TIMP4: variants seen among roughly 807,000 people sequenced by gnomAD.
The protein encoded by TIMP4 is metalloproteinase inhibitor 4.
A neutral mutation model predicts 27.3 loss-of-function variants in TIMP4; 28 were observed. The observed-to-expected ratio is 1.03, with a 90% CI of 0.76 to 1.41. The LOEUF is 1.41. Ranked by LOEUF, TIMP4 falls within the 40% of genes most tolerant of loss-of-function variation. The pLI is 0.00. For missense variants in TIMP4, 307 were observed against 285.5 expected, an observed-to-expected ratio of 1.08 and a Z score of -0.54; for synonymous variants, 138 against 115.5, an observed-to-expected ratio of 1.20 and a Z score of -1.25.
Position 12,153,313 on chromosome 3 carries a change from T to C in TIMP4, c.*202A>G, listed in dbSNP as rs1207702049. 2 of 618,250 alleles carry C rather than the reference T, an allele frequency of 3.2e-6. No individual in the cohort carries two copies. Among genetic ancestry groups the C allele is most frequent in the Non-Finnish European group, 5.8e-6 (2 of 346,662 alleles). 38.3% of individuals were successfully genotyped at this position (618,250 alleles called of 1,614,324 possible). A position where few individuals can be genotyped will look rare whatever the true frequency, so the allele number is the denominator to read the frequency against. On this transcript the variant is annotated 3_prime_UTR_variant, in exon 5 of 5. Coordinates refer to ENST00000287814, the MANE Select transcript of TIMP4 (RefSeq NM_003256.4). The stretch of plus-strand genomic sequence containing the variant: ...GCTACAAGGCTAGACTAATGGGGTT[T>C]GGGAGGCAGGGGCAACAGGCTGAGG...
intron 3 of TIMP4, 96 bp from the exon 4 acceptor site, chr3:12,154,547 C>G: frequency 6.9e-7 from 1 of 1,455,718 alleles, no homozygotes; most frequent in Non-Finnish European, 9.3e-7. Flanking sequence ...GCAGCCTCCC[C>G]AATGACTTTG....
In TIMP4 at chr3:12,156,900, T is replaced by C; in HGVS notation, c.272A>G (p.Gln91Arg). The stretch of plus-strand genomic sequence containing the variant: ...AGAGTCAAAAGGCGTATAGATATAC[T>C]GAACATCCTTGACTTTCTCAAACCC... ...FKGFEKVKDV[Q>R]YIYTPFDSSL... The change falls in exon 3 of 5, where the codon CAG becomes CGG. Residue 91 changes from glutamine (Q) to arginine (R), a missense_variant. Gln to Arg is a conservative substitution (Grantham distance 43). Coordinates refer to ENST00000287814, the MANE Select transcript of TIMP4 (RefSeq NM_003256.4). 3.1e-6 allele frequency: 5 copies of C among 1,614,166 alleles called. No homozygotes were observed. The highest frequency in any genetic ancestry group is 4.2e-6 in the Non-Finnish European group (5 of 1,180,004).
In TIMP4 at chr3:12,153,271, A is replaced by G; in HGVS notation, c.*244T>C. The G allele has an allele frequency of 1.8e-6, 1 of 568,986 alleles. No homozygotes were observed. The highest frequency in any genetic ancestry group is 3.2e-6 in the Non-Finnish European group (1 of 316,874). The allele number at this position is 568,986 out of a possible 1,614,324, so 35.2% of individuals were successfully genotyped here. ...TTTAGAAAACAGACTAAGCCAGAAG[A>G]AACACTTGCAGTAACAGCTACAAGG... On this transcript the variant is annotated 3_prime_UTR_variant, in exon 5 of 5. Transcript: ENST00000287814.
intron 1 of TIMP4, among the ~76,000 whole-genome samples, chr3:12,158,436 C>G (rs1697524001): frequency 6.6e-6 from 1 of 152,190 alleles, no homozygotes; most frequent in African/African-American, 2.4e-5. Context: ...TGTGTAATGA[C>G]ACTCCATAAT....
Position 12,156,848 on chromosome 3 carries a change from G to A in TIMP4, c.324C>T (p.Ala108=). ...DSSLCGVKLE[A]NSQKQYLLTG... is the part of the protein sequence containing the mutation. ...TCAAGAGATACTGCTTCTGGCTGTT[G>A]GCTTCTAGTTTCACACCACAGAGGG... The change falls in exon 3 of 5, where the codon GCC becomes GCT. Residue 108 remains alanine, a synonymous_variant. Transcript: ENST00000287814. The A allele has an allele frequency of 3.7e-6, 6 of 1,614,112 alleles. No homozygotes were observed. The highest frequency in any genetic ancestry group is 3.4e-6 in the Non-Finnish European group (4 of 1,179,980).
chr3:12,158,792 G>T lies in TIMP4; in HGVS notation c.49C>A (p.Leu17Met). The T allele has an allele frequency of 6.2e-7, 1 of 1,603,418 alleles. No individual in the cohort carries two copies. The highest frequency in any genetic ancestry group is 8.5e-7 in the Non-Finnish European group (1 of 1,178,198). Residue 17 changes from leucine to methionine, a missense_variant, in exon 1 of 5, where the codon CTG becomes ATG. Physicochemically the swap from Leu to Met is conservative, Grantham distance 15 (BLOSUM62 2). Transcript: ENST00000287814. ...PAPSWVLLLR[L>M]LALLRPPGLG... The stretch of plus-strand genomic sequence containing the variant: ...CCCGGGGGCCGCAGCAACGCCAGCA[G>T]CCGCAGCAACAGCACCCAGCTTGGC...
chr3:12,155,596 G>A (rs1697431716), intron 3 of TIMP4, among the ~76,000 whole-genome samples: 1 of 152,236 alleles, frequency 6.6e-6, no homozygotes, highest in South Asian at 2.1e-4. Context: ...CAAAGCTAGA[G>A]AGGGCAGCAG....
chr3:12,154,685 G>A (rs979675220), intron 3 of TIMP4, among the ~76,000 whole-genome samples: 5 of 152,192 alleles, frequency 3.3e-5, no homozygotes, highest in East Asian at 1.9e-4. Context: ...AGGCCTTTTC[G>A]TTTAGCATGG....
chr3:12,158,522 G>A (rs1321523899), intron 1 of TIMP4, 180 bp downstream of exon 1: 1 of 833,020 alleles, frequency 1.2e-6, no homozygotes, highest in Non-Finnish European at 1.8e-6. Flanking sequence ...AATCAGTCAG[G>A]TTCTGGGCTT....
Position 12,153,562 on chromosome 3 carries a change from C to T in TIMP4, c.628G>A (p.Gly210Ser), listed in dbSNP as rs949361303. The change falls in exon 5 of 5, where the codon GGC (glycine) becomes AGC (serine). Residue 210 changes from glycine (G) to serine (S), a missense_variant. Physicochemically the swap from Gly to Ser is moderately conservative, Grantham distance 56. Coordinates refer to ENST00000287814, the MANE Select transcript of TIMP4 (RefSeq NM_003256.4). ...AACTCCTTCCTGAGAGGCAGGTGGC[C>T]CCGGTACCAGCTGCAGGTGCCGTCA... Reference protein sequence around the residue: ...HVDGTCSWYRGHLPLRKEFVD... With the variant: ...HVDGTCSWYRSHLPLRKEFVD... 1.2e-6 allele frequency: 2 copies of T among 1,614,032 alleles called. No individual in the cohort carries two copies. Among genetic ancestry groups the T allele is most frequent in the East Asian group, 2.2e-5 (1 of 44,884 alleles).
chr3:12,158,627 C>G (rs1697533307), intron 1 of TIMP4, 75 bp downstream of exon 1: 8 of 1,581,800 alleles, frequency 5.1e-6, no homozygotes, highest in Admixed American at 1.7e-5. Flanking sequence ...CCTCTGGACT[C>G]CTGGTGTACT....
chr3:12,153,677 C>T lies in TIMP4; in HGVS notation c.513G>A (p.Ser171=), dbSNP rs772534309. Residue 171 remains serine, a synonymous_variant, in exon 5 of 5, where the codon TCG becomes TCA. Coordinates refer to ENST00000287814, the MANE Select transcript of TIMP4 (RefSeq NM_003256.4). Reference sequence around the variant, plus strand: ...CTGTCCAGAGGCACTCGTTAGGGGCCGAGATGGTACAGGGTACTGTGTAGC... The same window carrying T: ...CTGTCCAGAGGCACTCGTTAGGGGCTGAGATGGTACAGGGTACTGTGTAGC... ...TTCYTVPCTI[S]APNECLWTDW... 119 of 1,614,052 alleles carry T rather than the reference C, an allele frequency of 7.4e-5. No homozygotes were observed. Among genetic ancestry groups the T allele is most frequent in the Non-Finnish European group, 9.7e-5 (115 of 1,180,040 alleles).
intron 3 of TIMP4, among the ~76,000 whole-genome samples, chr3:12,155,924 C>T (rs1046652244): frequency 6.6e-6 from 1 of 152,174 alleles, no homozygotes; most frequent in Admixed American, 6.5e-5. Flanking sequence ...CTCTTCCATC[C>T]AGGAGCTCCT....
At position 12,153,359 on chromosome 3, in the gene TIMP4, C is replaced by T. The variant is rs968679742; in HGVS notation, c.*156G>A. ...TGAGGGCAGGGCAGAAAAGTCATGG[C>T]CCCTTCCCTGCCTTGACAGTGGCCA... On this transcript the variant is annotated 3_prime_UTR_variant, in exon 5 of 5. Transcript: ENST00000287814. The T allele has an allele frequency of 4.0e-5, 34 of 850,278 alleles. No homozygotes were observed. Among genetic ancestry groups the T allele is most frequent in the Admixed American group, 2.1e-4 (10 of 48,574 alleles). The allele number at this position is 850,278 out of a possible 1,614,324, so 52.7% of individuals were successfully genotyped here.
At chr3:12,155,017 CT>C (rs1697414857) in intron 3 of TIMP4, among the ~76,000 whole-genome samples, 1 of 148,908 alleles carries the variant, frequency 6.7e-6, no homozygotes, top group Non-Finnish European at 1.5e-5. Flanking sequence ...ACCTATGAAG[CT>C]CCTTTTCACC....
chr3:12,156,739 G>C, intron 3 of TIMP4, 81 bp downstream of exon 3: 1 of 1,145,272 alleles, frequency 8.7e-7, no homozygotes, highest in South Asian at 1.3e-5. Context: ...ACTGCCCAAG[G>C]AAGACCCTGG....
rs1272116538 is a variant in TIMP4, at chr3:12,155,450, G to C, written c.353-999C>G. Reference sequence around the variant, plus strand: ...GAGTGGGAGTCTGCCTACCAAACAGGTTGGGGGAAGGGCTTCCTGTCATTG... The same window carrying C: ...GAGTGGGAGTCTGCCTACCAAACAGCTTGGGGGAAGGGCTTCCTGTCATTG... On this transcript the variant is annotated intron_variant, in intron 3 of 4. Transcript: ENST00000287814. Among the ~76,000 whole-genome samples, 4 of 152,216 alleles carry C rather than the reference G, an allele frequency of 2.6e-5. No homozygotes were observed. The East Asian group carries it at 7.7e-4, about 29-fold the overall frequency.
intron 3 of TIMP4, among the ~76,000 whole-genome samples, chr3:12,155,483 C>A (rs558363208): frequency 7.9e-5 from 12 of 152,276 alleles, no homozygotes; most frequent in Middle Eastern, 3.4e-3. Flanking sequence ...TTGCCACTAT[C>A]CTGTGCAGAG....
intron 1 of TIMP4, 112 bp downstream of exon 1, chr3:12,158,590 C>T (rs990670827): frequency 1.2e-5 from 18 of 1,484,960 alleles, no homozygotes; most frequent in East Asian, 9.6e-5. Context: ...AAGAGACAAC[C>T]GGTAAGAATT....
Sources: allele counts gnomAD v4.1 joint callset (sites outside exome capture counted in the v4.1 genomes callset), GRCh38; gene constraint gnomAD v4.1.1; transcripts MANE v1.5; gene names NCBI Gene and HGNC (gene_info 2026-07-23, HGNC 2026-07-21).